Variants in GARIN1A observed in about 807,000 individuals in gnomAD.
GARIN1A encodes Golgi-associated RAB2 interactor protein 1A.
At chr7:128,683,449 T>C in the GARIN1A span, 12 of 178,604 alleles carry the variant, frequency 6.7e-5, no homozygotes, top group East Asian at 1.2e-3. Context: ...TGAGACTGGG[T>C]AATTTTATTT....
the GARIN1A span, among the ~76,000 whole-genome samples, chr7:128,694,308 G>T: frequency 2.0e-5 from 3 of 152,060 alleles, no homozygotes; most frequent in Non-Finnish European, 2.9e-5. Context: ...GAGGCGGGCG[G>T]ATCACTTGAG....
the GARIN1A span, among the ~76,000 whole-genome samples, chr7:128,671,960 G>A: frequency 6.6e-6 from 1 of 152,158 alleles, no homozygotes; most frequent in African/African-American, 2.4e-5. Context: ...TTTGGTGAGG[G>A]GCTTCAAGGG....
chr7:128,678,997 C>A, the GARIN1A span, among the ~76,000 whole-genome samples: 1 of 150,964 alleles, frequency 6.6e-6, no homozygotes, highest in African/African-American at 2.4e-5. Flanking sequence ...TTGTTACATA[C>A]ATATATACTT....
the GARIN1A span, chr7:128,684,614 C>CAAAAAAAAAAAAAAAAAAAAAAA: frequency 1.1e-5 from 1 of 92,362 alleles, no homozygotes; most frequent in African/African-American, 4.3e-5. Context: ...GACTCCATCT[C>CAAAAAAAAAAAAAAAAAAAAAAA]AAAAAAAAAA....
At chr7:128,694,253 C>G in the GARIN1A span, among the ~76,000 whole-genome samples, 1 of 152,098 alleles carries the variant, frequency 6.6e-6, no homozygotes, top group South Asian at 2.1e-4. Flanking sequence ...GAACTCTGGC[C>G]GAGCATGGTG....
the GARIN1A span, among the ~76,000 whole-genome samples, chr7:128,675,482 T>C: frequency 6.6e-6 from 1 of 152,160 alleles, no homozygotes; most frequent in Non-Finnish European, 1.5e-5. Flanking sequence ...CAGAGAAGAA[T>C]GACACAGGGT....
chr7:128,696,299 G>A, the GARIN1A span, among the ~76,000 whole-genome samples: 3 of 152,058 alleles, frequency 2.0e-5, no homozygotes, highest in Non-Finnish European at 2.9e-5. Context: ...AATTACAAGC[G>A]TGAGCCCCTG....
the GARIN1A span, chr7:128,680,081 G>C: frequency 7.8e-5 from 123 of 1,582,168 alleles, no homozygotes; most frequent in Non-Finnish European, 1.0e-4. Flanking sequence ...CCCTCGTGCT[G>C]CTGGCGGCTG....
At chr7:128,692,839 C>T in the GARIN1A span, among the ~76,000 whole-genome samples, 3 of 152,152 alleles carry the variant, frequency 2.0e-5, no homozygotes, top group African/African-American at 7.2e-5. Flanking sequence ...AGTGACCTCC[C>T]AGAAACACAG....
the GARIN1A span, among the ~76,000 whole-genome samples, chr7:128,704,960 GC>G: frequency 6.6e-6 from 1 of 152,188 alleles, no homozygotes; most frequent in African/African-American, 2.4e-5. Flanking sequence ...CATCATGAGA[GC>G]CAGCTTTCTC....
the GARIN1A span, chr7:128,685,178 G>A: frequency 1.3e-5 from 2 of 152,472 alleles, no homozygotes; most frequent in Non-Finnish European, 2.9e-5. Flanking sequence ...TGGGATTACA[G>A]GCATGAGCCA....
At chr7:128,674,125 C>T in the GARIN1A span, among the ~76,000 whole-genome samples, 7 of 152,030 alleles carry the variant, frequency 4.6e-5, no homozygotes, top group African/African-American at 1.2e-4. Flanking sequence ...GATCTCTTGA[C>T]CTCATGATCT....
chr7:128,691,113 A>G, the GARIN1A span: 1 of 152,212 alleles, frequency 6.6e-6, no homozygotes. Flanking sequence ...ATAATACTGT[A>G]CACATCGAAT....
At chr7:128,698,864 G>A in the GARIN1A span, among the ~76,000 whole-genome samples, 4 of 152,330 alleles carry the variant, frequency 2.6e-5, no homozygotes, top group Non-Finnish European at 5.9e-5. Flanking sequence ...TGGGATTACA[G>A]GCGTGAGCCA....
the GARIN1A span, among the ~76,000 whole-genome samples, chr7:128,679,199 CTT>C: frequency 1.4e-5 from 2 of 145,020 alleles, no homozygotes; most frequent in Non-Finnish European, 1.5e-5. Flanking sequence ...TAAAATTAAA[CTT>C]TTTTTTTTTT....
the GARIN1A span, chr7:128,686,969 C>T: frequency 6.6e-6 from 1 of 152,260 alleles, no homozygotes; most frequent in African/African-American, 2.4e-5. Context: ...TCTCTCCAGC[C>T]TCTCCACTGG....
chr7:128,688,310 C>T, the GARIN1A span, among the ~76,000 whole-genome samples: 13 of 152,130 alleles, frequency 8.5e-5, no homozygotes, highest in Non-Finnish European at 4.4e-5. Flanking sequence ...GCGCCTGGCC[C>T]CCCTGGTTTC....
chr7:128,704,227 T>TG, the GARIN1A span, among the ~76,000 whole-genome samples: 15 of 7,514 alleles, frequency 2.0e-3, no homozygotes, highest in South Asian at 3.7e-3. Context: ...AGATGGAGGG[T>TG]GGGGGGGCGG....
the GARIN1A span, among the ~76,000 whole-genome samples, chr7:128,676,741 T>G: frequency 6.6e-6 from 1 of 151,054 alleles, no homozygotes; most frequent in Non-Finnish European, 1.5e-5. Context: ...ACACAGTAAG[T>G]CAGGATATAG....
Sources: allele counts gnomAD v4.1 joint callset (sites outside exome capture counted in the v4.1 genomes callset), GRCh38; gene constraint gnomAD v4.1.1; transcripts MANE v1.5; gene names NCBI Gene and HGNC (gene_info 2026-07-23, HGNC 2026-07-21).